TBC1D5: variants seen among roughly 807,000 people sequenced by gnomAD.
TBC1D5 encodes the protein TBC1 domain family member 5, also known as TBC1 domain family, member 5.
Under a neutral mutation model 100.3 loss-of-function variants are expected in TBC1D5, and 75 were observed. That is an observed-to-expected ratio of 0.75 (90% CI 0.62 to 0.91). The LOEUF (loss-of-function observed/expected upper bound fraction) is 0.91. Ranked by LOEUF, TBC1D5 falls within the 40% of genes least tolerant of loss-of-function variation. TBC1D5 has a pLI of 0.00. For missense variants in TBC1D5, 910 were observed against 942.4 expected (o/e 0.97, Z 0.45); for synonymous variants, 323 against 325.6 (o/e 0.99, Z 0.09).
chr3:17,338,159 A>G (rs2088237094), intron 13 of TBC1D5, among the ~76,000 whole-genome samples: 1 of 152,182 alleles, frequency 6.6e-6, no homozygotes, highest in African/African-American at 2.4e-5. Context: ...GGGAATCCTA[A>G]AGTTTTAATA....
At chr3:17,711,201 C>T (rs1305871494) in intron 1 of TBC1D5, among the ~76,000 whole-genome samples, 2 of 151,982 alleles carry the variant, frequency 1.3e-5, no homozygotes, top group Non-Finnish European at 2.9e-5. Context: ...TGGTTATTTC[C>T]ATTTTAGAAA....
intron 3 of TBC1D5, among the ~76,000 whole-genome samples, chr3:17,446,743 G>C (rs756128272): frequency 2.0e-5 from 3 of 152,184 alleles, no homozygotes; most frequent in Admixed American, 6.5e-5. Context: ...AGGCCGAGGC[G>C]GGTGGATCAC....
At chr3:17,203,270 T>C (rs907394856) in intron 18 of TBC1D5, among the ~76,000 whole-genome samples, 3 of 152,204 alleles carry the variant, frequency 2.0e-5, no homozygotes, top group African/African-American at 7.2e-5. Context: ...AGCCCCTTTG[T>C]TTTGGCTGAT....
At chr3:17,662,673 G>A (rs2066779572) in intron 1 of TBC1D5, among the ~76,000 whole-genome samples, 1 of 152,138 alleles carries the variant, frequency 6.6e-6, no homozygotes, top group African/African-American at 2.4e-5. Flanking sequence ...AAAGTGCTAA[G>A]TTATTTGCAA....
intron 1 of TBC1D5, among the ~76,000 whole-genome samples, chr3:17,661,117 G>A (rs2066601736): frequency 6.6e-6 from 1 of 152,090 alleles, no homozygotes. Context: ...TAACCCAAGG[G>A]TGGGTTAATT....
At chr3:17,419,870 T>C (rs2094167013) in intron 4 of TBC1D5, among the ~76,000 whole-genome samples, 1 of 152,016 alleles carries the variant, frequency 6.6e-6, no homozygotes, top group African/African-American at 2.4e-5. Context: ...ATTTATTTAT[T>C]TGTCTGTTTG....
chr3:17,388,412 C>T (rs1317733834), intron 8 of TBC1D5, among the ~76,000 whole-genome samples: 2 of 152,066 alleles, frequency 1.3e-5, no homozygotes, highest in African/African-American at 4.8e-5. Flanking sequence ...CCCCAATCTA[C>T]CCATCAGCTA....
At chr3:17,671,513 A>C (rs2067935626) in intron 1 of TBC1D5, among the ~76,000 whole-genome samples, 1 of 152,232 alleles carries the variant, frequency 6.6e-6, no homozygotes, top group Admixed American at 6.5e-5. Context: ...TTAATCAAAA[A>C]AAGGTGGAAA....
intron 2 of TBC1D5, among the ~76,000 whole-genome samples, chr3:17,604,678 A>G (rs2061219465): frequency 6.6e-6 from 1 of 152,168 alleles, no homozygotes; most frequent in Non-Finnish European, 1.5e-5. Flanking sequence ...GCTAAGAACC[A>G]TGATTTTTTG....
intron 19 of TBC1D5, among the ~76,000 whole-genome samples, chr3:17,175,798 G>T (rs561528226): frequency 6.6e-6 from 1 of 152,304 alleles, no homozygotes; most frequent in East Asian, 1.9e-4. Flanking sequence ...GCTGACATGA[G>T]GAGTGAGTAA....
At chr3:17,496,405 C>T (rs1215800103) in intron 3 of TBC1D5, among the ~76,000 whole-genome samples, 1 of 152,070 alleles carries the variant, frequency 6.6e-6, no homozygotes, top group East Asian at 1.9e-4. Flanking sequence ...ATTACATGCT[C>T]TCCACACAAA....
intron 2 of TBC1D5, among the ~76,000 whole-genome samples, chr3:17,572,640 T>C (rs1035122627): frequency 1.3e-5 from 2 of 152,106 alleles, no homozygotes; most frequent in African/African-American, 4.8e-5. Flanking sequence ...GGCTGATTTT[T>C]GCTTCAAATC....
intron 3 of TBC1D5, among the ~76,000 whole-genome samples, chr3:17,503,288 G>A (rs776706882): frequency 5.4e-5 from 8 of 149,530 alleles, no homozygotes; most frequent in Admixed American, 2.0e-4. Flanking sequence ...TTCAGGTTGT[G>A]GCTTAGATAG....
At chr3:17,407,559 C>T (rs987417650) in intron 4 of TBC1D5, among the ~76,000 whole-genome samples, 2 of 152,152 alleles carry the variant, frequency 1.3e-5, no homozygotes, top group East Asian at 3.8e-4. Context: ...GCAGTTGTCA[C>T]TGGCCAGACC....
At chr3:17,686,898 C>G (rs1033884559) in intron 1 of TBC1D5, among the ~76,000 whole-genome samples, 9 of 152,030 alleles carry the variant, frequency 5.9e-5, no homozygotes, top group African/African-American at 2.2e-4. Flanking sequence ...AAGGAATTAT[C>G]TAGCCTAAAA....
intron 1 of TBC1D5, among the ~76,000 whole-genome samples, chr3:17,649,275 C>T (rs942234217): frequency 6.6e-6 from 1 of 151,994 alleles, no homozygotes; most frequent in African/African-American, 2.4e-5. Flanking sequence ...TAAATGATAA[C>T]TTATGAACAC....
chr3:17,681,368 T>C (rs1234951394), intron 1 of TBC1D5, among the ~76,000 whole-genome samples: 2 of 151,688 alleles, frequency 1.3e-5, no homozygotes, highest in Non-Finnish European at 2.9e-5. Context: ...ACAAGTCATG[T>C]ATGTTCTAAA....
intron 8 of TBC1D5, among the ~76,000 whole-genome samples, chr3:17,386,256 T>TC (rs1441455095): frequency 6.6e-6 from 1 of 152,106 alleles, no homozygotes. Flanking sequence ...CACGTCCCCT[T>TC]CCTCATCTAT....
At chr3:17,307,155 C>T (rs1282465226) in intron 14 of TBC1D5, among the ~76,000 whole-genome samples, 5 of 152,128 alleles carry the variant, frequency 3.3e-5, no homozygotes, top group African/African-American at 4.8e-5. Flanking sequence ...AAGAGAACAA[C>T]ATAACAATTT....
Sources: allele counts gnomAD v4.1 joint callset (sites outside exome capture counted in the v4.1 genomes callset), GRCh38; gene constraint gnomAD v4.1.1; transcripts MANE v1.5; gene names NCBI Gene and HGNC (gene_info 2026-07-23, HGNC 2026-07-21).